Variants in ENO1 observed in about 807,000 individuals in gnomAD.
ENO1 encodes the protein alpha-enolase.
ENO1 carries 33 observed loss-of-function variants against 46.3 expected under a neutral mutation model. That is an observed-to-expected ratio of 0.71 (90% CI 0.54 to 0.95). The LOEUF is 0.95. Ranked by LOEUF, ENO1 falls within the 40% of genes least tolerant of loss-of-function variation. The pLI, the probability that ENO1 is intolerant of heterozygous loss-of-function variation, is 0.00. For synonymous variants in ENO1, 220 were observed against 216.0 expected, an observed-to-expected ratio of 1.02 and a Z score of -0.16; for missense variants, 488 against 553.3, an observed-to-expected ratio of 0.88 and a Z score of 1.18.
In ENO1 at chr1:8,874,915, C is replaced by T. The variant is rs765514247; in HGVS notation, c.-7G>A. 2 of 1,612,000 alleles carry T rather than the reference C, an allele frequency of 1.2e-6. No individual in the cohort carries two copies. The highest frequency in any genetic ancestry group is 2.2e-5 in the South Asian group (2 of 90,756). ...GGATCTTGAGAATAGACATGGTGAA[C>T]TTCTGTAGAAGAAACACACAGTTCA... On this transcript the variant is annotated splice_region_variant and 5_prime_UTR_variant, in exon 2 of 12. Transcript: ENST00000234590.
intron 1 of ENO1, chr1:8,877,960 CGCCTGGAG>C (rs1396687008): frequency 6.6e-6 from 1 of 152,246 alleles, no homozygotes; most frequent in East Asian, 1.9e-4. Context: ...TGGGCGAGGT[CGCCTGGAG>C]GACTTGCCAA....
In ENO1 at chr1:8,874,577, CAAAA is replaced by C. The variant is rs140269736; in HGVS notation, c.85+243_85+246del. 1.2e-4 allele frequency among the ~76,000 whole-genome samples: 6 copies of C among 51,600 alleles called. No individual in the cohort carries two copies. In the East Asian group the frequency reaches 1.9e-3, roughly 16 times the overall value. 33.9% of individuals were successfully genotyped at this position (51,600 alleles called of 152,430 possible). A position where few individuals can be genotyped will look rare whatever the true frequency, so the allele number is the denominator to read the frequency against. ...TGGGTGACAGAGCAAGACTCCATCT[CAAAA>C]AAAAAAAAAAAAAAAAAAAGAAAAA... is the stretch of plus-strand genomic sequence containing the variant. On this transcript the variant is annotated intron_variant, in intron 2 of 11. Transcript: ENST00000234590.
At chr1:8,872,127 G>T in intron 2 of ENO1, 141 bp from the exon 3 acceptor site, 1 of 672,878 alleles carries the variant, frequency 1.5e-6, no homozygotes, top group South Asian at 1.8e-5. Context: ...AAACGCTCTG[G>T]GCTGTTCTTC....
chr1:8,862,930 G>A lies in ENO1; in HGVS notation c.1192C>T (p.Pro398Ser). 3.7e-6 allele frequency: 6 copies of A among 1,614,134 alleles called. No homozygotes were observed. The highest frequency in any genetic ancestry group is 5.1e-6 in the Non-Finnish European group (6 of 1,179,986). Reference sequence around the variant, plus strand: ...TTGGCCAAGCGCTCAGATCGGCAAGGGGCACCAGTCTTGATCTAGGAGAAA... The same window carrying A: ...TTGGCCAAGCGCTCAGATCGGCAAGAGGCACCAGTCTTGATCTAGGAGAAA... ...LCTGQIKTGA[P>S]CRSERLAKYN... The change falls in exon 11 of 12, where the codon CCT becomes TCT. Residue 398 changes from proline to serine, a missense_variant. Transcript: ENST00000234590.
intron 9 of ENO1, 101 bp downstream of exon 9, chr1:8,863,790 C>T (rs971089608): frequency 2.3e-6 from 3 of 1,328,152 alleles, no homozygotes; most frequent in African/African-American, 1.5e-5. Flanking sequence ...GCGAGTCCTA[C>T]ATTCTGGCCA....
chr1:8,878,105 G>C (rs1642775181), intron 1 of ENO1: 1 of 154,886 alleles, frequency 6.5e-6, no homozygotes, highest in Non-Finnish European at 1.4e-5. Flanking sequence ...GTGGGGGAGG[G>C]GGCCGCAGCC....
rs1007710633 is a variant in ENO1 at position 8,871,786 on chromosome 1, C to T, written c.181+105G>A. On this transcript the variant is annotated intron_variant, in intron 3 of 11. Coordinates refer to ENST00000234590, the MANE Select transcript of ENO1 (RefSeq NM_001428.5). ...CATGGGTCACAGCAGGTTTACCTGC[C>T]ATAAACCTGCAAGTGCAAGTGCCAC... is the stretch of plus-strand genomic sequence containing the variant. The T allele has an allele frequency of 3.7e-6, 5 of 1,342,120 alleles. No homozygotes were observed. In the African/African-American group the frequency reaches 4.3e-5, roughly 12 times the overall value. The allele number at this position is 1,342,120 out of a possible 1,614,324, so 83.1% of individuals were successfully genotyped here. A position where few individuals can be genotyped will look rare whatever the true frequency, so the allele number is the denominator to read the frequency against.
chr1:8,861,698 TC>T (rs1275473208), intron 11 of ENO1, among the ~76,000 whole-genome samples: 1 of 152,048 alleles, frequency 6.6e-6, no homozygotes. Context: ...TCCTCTCCTC[TC>T]CCCGTCAGTG....
In ENO1 at chr1:8,871,905, C is replaced by G; in HGVS notation, c.167G>C (p.Arg56Pro). The G allele has an allele frequency of 3.1e-6, 5 of 1,614,042 alleles. No homozygotes were observed. Among genetic ancestry groups the G allele is most frequent in the Non-Finnish European group, 4.2e-6 (5 of 1,180,018 alleles). ...CTAAGGCTTACCCTTCCCCATATAGCGAGTCTTATCATTGTCCCGGAGCTC... is the reference window on the plus strand; with the variant it reads ...CTAAGGCTTACCCTTCCCCATATAGGGAGTCTTATCATTGTCCCGGAGCTC... Reference protein sequence around the residue: ...ALELRDNDKTRYMGKGVSKAV... With the variant: ...ALELRDNDKTPYMGKGVSKAV... Residue 56 changes from arginine (R) to proline (P), a missense_variant, in exon 3 of 12, where the codon CGC becomes CCC. Coordinates refer to ENST00000234590, the MANE Select transcript of ENO1 (RefSeq NM_001428.5).
At chr1:8,864,260 C>T (rs1642466387) in intron 8 of ENO1, among the ~76,000 whole-genome samples, 168 bp from the exon 9 acceptor site, 1 of 152,132 alleles carries the variant, frequency 6.6e-6, no homozygotes, top group South Asian at 2.1e-4. Flanking sequence ...GTGCCCCAGC[C>T]TACTCCTGCA....
chr1:8,874,594 A>AG (rs1414134258), intron 2 of ENO1, among the ~76,000 whole-genome samples: 2 of 149,984 alleles, frequency 1.3e-5, no homozygotes, highest in Non-Finnish European at 3.0e-5. Flanking sequence ...AAAAAAAAAA[A>AG]AAAAAAGAAA....
chr1:8,874,941 T>C (rs1390763999), intron 1 of ENO1, 24 bp from the exon 2 acceptor site: 1 of 1,587,694 alleles, frequency 6.3e-7, no homozygotes, highest in Non-Finnish European at 8.6e-7. Context: ...ACACAGTTCA[T>C]GTTTTCCATA....
At chr1:8,861,702 C>G (rs907946275) in intron 11 of ENO1, among the ~76,000 whole-genome samples, 18 of 152,024 alleles carry the variant, frequency 1.2e-4, no homozygotes, top group African/African-American at 4.4e-4. Flanking sequence ...CTCCTCTCCC[C>G]GTCAGTGTTG....
chr1:8,862,580 C>T (rs554202500), intron 11 of ENO1, among the ~76,000 whole-genome samples: 2 of 152,216 alleles, frequency 1.3e-5, no homozygotes, highest in African/African-American at 4.8e-5. Flanking sequence ...TGAAGGAGCT[C>T]TCTGAAAGCT....
Position 8,864,098 on chromosome 1 carries a change from G to A in ENO1, c.866-6C>T. ...GGGATCTTCGATAGACACCACTAAG[G>A]AAAGGAGGGACACGCTTCATCAGTG... is the stretch of plus-strand genomic sequence containing the variant. On this transcript the variant is annotated splice_polypyrimidine_tract_variant and splice_region_variant and intron_variant, in intron 8 of 11. Coordinates refer to ENST00000234590, the MANE Select transcript of ENO1 (RefSeq NM_001428.5). 3 of 1,613,794 alleles carry A rather than the reference G, an allele frequency of 1.9e-6. No individual in the cohort carries two copies. The highest frequency in any genetic ancestry group is 2.5e-6 in the Non-Finnish European group (3 of 1,179,926).
At chr1:8,869,917 A>G (rs1284478482) in intron 4 of ENO1, among the ~76,000 whole-genome samples, 1 of 152,156 alleles carries the variant, frequency 6.6e-6, no homozygotes, top group Non-Finnish European at 1.5e-5. Context: ...CGCCACAGGA[A>G]TTACGGAGGG....
At chr1:8,877,147 TG>T (rs2124113828) in intron 1 of ENO1, among the ~76,000 whole-genome samples, 1 of 152,174 alleles carries the variant, frequency 6.6e-6, no homozygotes, top group African/African-American at 2.4e-5. Flanking sequence ...TTAGTAGAGA[TG>T]GGGTTTAGTA....
Position 8,863,905 on chromosome 1 carries a change from G to C in ENO1, c.1053C>G (p.Thr351=). ...LLKVNQIGSV[T]ESLQACKLAQ... ...AAGACACTTACGCCTGAAGAGACTCGGTCACGGAGCCAATCTGGTTGACTT... is the reference window on the plus strand; with the variant it reads ...AAGACACTTACGCCTGAAGAGACTCCGTCACGGAGCCAATCTGGTTGACTT... Residue 351 remains threonine (T), a synonymous_variant, in exon 9 of 12, where the codon ACC becomes ACG. Transcript: ENST00000234590. The C allele has an allele frequency of 6.2e-7, 1 of 1,614,090 alleles. No homozygotes were observed. The highest frequency in any genetic ancestry group is 1.1e-5 in the South Asian group (1 of 91,076).
chr1:8,867,352 C>G, intron 5 of ENO1, 102 bp from the exon 6 acceptor site: 1 of 1,448,828 alleles, frequency 6.9e-7, no homozygotes, highest in Admixed American at 2.0e-5. Context: ...ATCTCCTCCC[C>G]CATCACACCT....
Sources: allele counts gnomAD v4.1 joint callset (sites outside exome capture counted in the v4.1 genomes callset), GRCh38; gene constraint gnomAD v4.1.1; transcripts MANE v1.5; gene names NCBI Gene and HGNC (gene_info 2026-07-23, HGNC 2026-07-21).